STK3: variants seen among roughly 807,000 people sequenced by gnomAD.
STK3 encodes the protein serine/threonine kinase 3.
A neutral mutation model predicts 58.0 loss-of-function variants in STK3; 41 were observed. The ratio of observed to expected loss-of-function variants is 0.71; its 90% confidence interval spans 0.55 to 0.92. STK3 has a LOEUF of 0.92. Among genes scored for constraint, STK3 ranks in the 40% least tolerant of loss-of-function variants. The pLI, the probability that STK3 is intolerant of heterozygous loss-of-function variation, is 0.00. For synonymous variants in STK3, 170 were observed against 191.0 expected (o/e 0.89, Z 0.91); for missense variants, 479 against 602.7 (o/e 0.79, Z 2.15).
downstream of STK3, chr8:98,881,790 T>G (rs1298322682): frequency 6.6e-6 from 1 of 152,196 alleles, no homozygotes; most frequent in Non-Finnish European, 1.5e-5. Flanking sequence ...GTGTATGCAT[T>G]GCTAAAAAAA....
intron 4 of STK3, among the ~76,000 whole-genome samples, chr8:98,743,069 T>G (rs925551513): frequency 7.9e-5 from 12 of 151,616 alleles, no homozygotes; most frequent in African/African-American, 2.2e-4. Flanking sequence ...CACTGCTCAA[T>G]GAAATAAAAG....
chr8:98,428,409 A>G lies in STK3; in HGVS notation n.483+5718T>C, dbSNP rs1460111678. 27 of 1,614,060 alleles carry G rather than the reference A, an allele frequency of 1.7e-5. No homozygotes were observed. Among genetic ancestry groups the G allele is most frequent in the Non-Finnish European group, 2.1e-5 (25 of 1,180,042 alleles). ...GGACGAGCAGAGTGACCAGGAGAGC[A>G]CCACGTCTTCCTTCGATGAGATCCT... On this transcript the variant is annotated intron_variant and non_coding_transcript_variant, in intron 3 of 3. Transcript: ENST00000517832. The surrounding 1 kb of genome is among the most constrained non-coding windows in gnomAD (Gnocchi z 6.7).
chr8:98,494,061 A>AT (rs946274658), intron 10 of STK3, among the ~76,000 whole-genome samples: 1 of 152,006 alleles, frequency 6.6e-6, no homozygotes, highest in African/African-American at 2.4e-5. Context: ...TCCAATCTCA[A>AT]TTTTTTGCAA....
At chr8:98,789,845 G>A (rs1832694051) in intron 1 of STK3, among the ~76,000 whole-genome samples, 1 of 152,034 alleles carries the variant, frequency 6.6e-6, no homozygotes, top group Non-Finnish European at 1.5e-5. Context: ...TGCCCAACAT[G>A]GTGAAACCCT....
chr8:98,569,523 C>T (rs1213008227), intron 8 of STK3, among the ~76,000 whole-genome samples: 1 of 150,588 alleles, frequency 6.6e-6, no homozygotes, highest in Admixed American at 6.6e-5. Flanking sequence ...TGTGTTTGAA[C>T]ATACACAGAG....
At chr8:98,654,097 A>G (rs34477118) in intron 6 of STK3, among the ~76,000 whole-genome samples, 40,322 of 152,092 alleles carry the variant, frequency 0.27, 5,670 homozygotes, top group East Asian at 0.41. Context: ...AAATACTGAC[A>G]AACCGCATCC....
rs1586568692 is a variant in STK3, at chr8:98,438,068, G to A, written n.186-860C>T. 2.0e-5 allele frequency: 3 copies of A among 152,392 alleles called. No homozygotes were observed. In the East Asian group the frequency reaches 5.8e-4, roughly 29 times the overall value. 9.4% of individuals were successfully genotyped at this position (152,392 alleles called of 1,614,324 possible). ...GGGAACCGGGGAGCCAGCGATTGGA[G>A]GCTCAGAAGGAGGATGGTGAGGTTT... is the stretch of plus-strand genomic sequence containing the variant. On this transcript the variant is annotated intron_variant and non_coding_transcript_variant, in intron 1 of 3. Coordinates refer to the STK3 transcript ENST00000517832.
chr8:98,395,057 C>T (rs989573376), intron 3 of STK3, among the ~76,000 whole-genome samples: 1 of 152,162 alleles, frequency 6.6e-6, no homozygotes, highest in African/African-American at 2.4e-5. Context: ...CTGTGTGGAT[C>T]GCTGAGCCAG....
In STK3 at chr8:98,837,187, A is replaced by C. The variant is rs576706895; in HGVS notation, c.110+46460T>G. On this transcript the variant is annotated intron_variant, in intron 3 of 12. Transcript: ENST00000523601. Reference sequence around the variant, plus strand: ...TAAACACAATAACTAAGACCTATGAAGGGAAAATATAGAAAATATGGCCCT... The same window carrying C: ...TAAACACAATAACTAAGACCTATGACGGGAAAATATAGAAAATATGGCCCT... Among the ~76,000 whole-genome samples, 5 of 152,324 alleles carry C rather than the reference A, an allele frequency of 3.3e-5. No individual in the cohort carries two copies. In the South Asian group the frequency reaches 1.0e-3, roughly 32 times the overall value.
At chr8:98,914,172 C>A (rs1182132659) in intron 1 of STK3, among the ~76,000 whole-genome samples, 1 of 152,032 alleles carries the variant, frequency 6.6e-6, no homozygotes, top group African/African-American at 2.4e-5. Flanking sequence ...CAAAAACCAG[C>A]CAGGTGCGGT....
the STK3 span, among the ~76,000 whole-genome samples, chr8:98,348,251 A>G: frequency 6.6e-6 from 1 of 152,254 alleles, no homozygotes; most frequent in Non-Finnish European, 1.5e-5. Context: ...CTTCACAAAC[A>G]GTAGCTCAAA....
intron 1 of STK3, among the ~76,000 whole-genome samples, chr8:98,806,432 C>G (rs930514893): frequency 6.6e-6 from 1 of 152,258 alleles, no homozygotes; most frequent in Non-Finnish European, 1.5e-5. Flanking sequence ...CAAAAGCATC[C>G]CTACCAGGGC....
chr8:98,437,520 G>C (rs895254221), intron 1 of STK3: 6 of 152,174 alleles, frequency 3.9e-5, no homozygotes, highest in African/African-American at 1.4e-4. Flanking sequence ...GGGTTCTTGG[G>C]GAGGTTTTTT....
At chr8:98,442,070 G>A (rs1259409200) in intron 1 of STK3, among the ~76,000 whole-genome samples, 1 of 152,220 alleles carries the variant, frequency 6.6e-6, no homozygotes, top group African/African-American at 2.4e-5. Flanking sequence ...GGCGGCCCAA[G>A]TTGAGTCTGC....
At chr8:98,613,972 G>A (rs927540023) in intron 6 of STK3, among the ~76,000 whole-genome samples, 1 of 152,006 alleles carries the variant, frequency 6.6e-6, no homozygotes, top group Non-Finnish European at 1.5e-5. Context: ...ATAGTGATGA[G>A]ACATAATTCA....
chr8:98,861,476 T>A (rs908164437), intron 3 of STK3, among the ~76,000 whole-genome samples: 10 of 150,780 alleles, frequency 6.6e-5, no homozygotes, highest in Non-Finnish European at 1.0e-4. Flanking sequence ...GGCTCCTGAG[T>A]AGCTGGGACT....
At chr8:98,582,579 AC>A (rs1814016065) in intron 7 of STK3, among the ~76,000 whole-genome samples, 1 of 151,122 alleles carries the variant, frequency 6.6e-6, no homozygotes, top group African/African-American at 2.4e-5. Flanking sequence ...TCCTCCCAAC[AC>A]CCCCTAAAGG....
chr8:98,799,718 A>G (rs1302757249), intron 1 of STK3, among the ~76,000 whole-genome samples: 2 of 152,118 alleles, frequency 1.3e-5, no homozygotes, highest in Non-Finnish European at 1.5e-5. Flanking sequence ...TAATACCCCT[A>G]CTTAATAGGG....
At chr8:98,787,144 G>GGC (rs2131557955) in intron 1 of STK3, among the ~76,000 whole-genome samples, 1 of 118,604 alleles carries the variant, frequency 8.4e-6, no homozygotes, top group East Asian at 2.5e-4. Context: ...ACTCCAATCT[G>GGC]GCAACAGAGC....
Sources: allele counts gnomAD v4.1 joint callset (sites outside exome capture counted in the v4.1 genomes callset), GRCh38; gene constraint gnomAD v4.1.1; non-coding constraint Gnocchi (gnomAD v3.1); transcripts MANE v1.5; gene names NCBI Gene and HGNC (gene_info 2026-07-23, HGNC 2026-07-21).